The following ACADSB variants were observed in gnomAD, a reference collection of about 807,000 sequenced individuals.
The protein encoded by ACADSB is acyl-CoA dehydrogenase short/branched chain.
Under a neutral mutation model 54.1 loss-of-function variants are expected in ACADSB, and 40 were observed. That is an observed-to-expected ratio of 0.74 (90% CI 0.57 to 0.96). The LOEUF (loss-of-function observed/expected upper bound fraction) is 0.96. ACADSB is among the 40% of genes least tolerant of loss of function. ACADSB has a pLI of 0.00. For synonymous variants in ACADSB, 182 were observed against 182.8 expected (o/e 1.00, Z 0.03); for missense variants, 530 against 510.4 (o/e 1.04, Z -0.37).
rs1232735896 is a variant in ACADSB, at chr10:123,053,071, A to G, written c.1139A>G (p.Gln380Arg). ...AKYYASEIAG[Q>R]TTSKCIEWMG... ...ACTTGCTTTTGGTAGATTGCAGGACAAACAACGAGTAAATGTATCGAGTGG... is the reference window on the plus strand; with the variant it reads ...ACTTGCTTTTGGTAGATTGCAGGACGAACAACGAGTAAATGTATCGAGTGG... The change falls in exon 10 of 11, where the codon CAA becomes CGA. Residue 380 changes from glutamine (Q) to arginine (R), a missense_variant. Coordinates refer to ENST00000358776, the MANE Select transcript of ACADSB (RefSeq NM_001609.4). 2 of 1,613,942 alleles carry G rather than the reference A, an allele frequency of 1.2e-6. No individual in the cohort carries two copies. Among genetic ancestry groups the G allele is most frequent in the Non-Finnish European group, 1.7e-6 (2 of 1,179,928 alleles).
intron 1 of ACADSB, among the ~76,000 whole-genome samples, chr10:123,030,053 C>T (rs1051296010): frequency 6.6e-6 from 1 of 152,148 alleles, no homozygotes; most frequent in Admixed American, 6.5e-5. Context: ...AGGAGGAGCT[C>T]TCATAACCTA....
At chr10:123,029,721 A>C (rs182053183) in intron 1 of ACADSB, among the ~76,000 whole-genome samples, 1 of 152,322 alleles carries the variant, frequency 6.6e-6, no homozygotes, top group Admixed American at 6.5e-5. Context: ...TTGGATTTTT[A>C]GTGTTTTGCC....
At chr10:123,025,618 G>A (rs1261959187) in intron 1 of ACADSB, among the ~76,000 whole-genome samples, 1 of 151,990 alleles carries the variant, frequency 6.6e-6, no homozygotes, top group Non-Finnish European at 1.5e-5. Context: ...TTTGTATAAA[G>A]CTCCTGGAAA....
At chr10:123,017,075 A>T (rs190481464) in intron 1 of ACADSB, among the ~76,000 whole-genome samples, 1 of 152,284 alleles carries the variant, frequency 6.6e-6, no homozygotes, top group East Asian at 1.9e-4. Context: ...GTTTCTTCTG[A>T]CTATCTTCCC....
At chr10:123,036,836 AAG>A (rs2133476764) in intron 2 of ACADSB, among the ~76,000 whole-genome samples, 1 of 152,258 alleles carries the variant, frequency 6.6e-6, no homozygotes, top group South Asian at 2.1e-4. Flanking sequence ...TGGACAAGGG[AAG>A]GGAAGAGATT....
chr10:123,032,168 A>G (rs1850335876), intron 1 of ACADSB, among the ~76,000 whole-genome samples: 1 of 151,966 alleles, frequency 6.6e-6, no homozygotes, highest in Admixed American at 6.6e-5. Flanking sequence ...TTTAGCAGAG[A>G]TGGGGTTTCA....
rs1321141164 is a variant in ACADSB, at chr10:123,054,574, G to T, written c.*809G>T. Reference sequence around the variant, plus strand: ...TATTTAGAAAAATCTAAAAATTCTGGTTTTAAATATGAGAATCAGTGGAAA... The same window carrying T: ...TATTTAGAAAAATCTAAAAATTCTGTTTTTAAATATGAGAATCAGTGGAAA... On this transcript the variant is annotated 3_prime_UTR_variant, in exon 11 of 11. Coordinates refer to ENST00000358776, the MANE Select transcript of ACADSB (RefSeq NM_001609.4). 6.6e-6 allele frequency: 1 copy of T among 152,062 alleles called. No individual in the cohort carries two copies. The highest frequency in any genetic ancestry group is 6.6e-5 in the Admixed American group (1 of 15,248). The allele number at this position is 152,062 out of a possible 1,614,324, so 9.4% of individuals were successfully genotyped here.
Position 123,053,717 on chromosome 10 carries a change from C to T in ACADSB, c.1251C>T (p.Ser417=). Residue 417 remains serine, a synonymous_variant, in exon 11 of 11, where the codon TCC becomes TCT. Coordinates refer to ENST00000358776, the MANE Select transcript of ACADSB (RefSeq NM_001609.4). ...AKIGTIYEGA[S]NIQLNTIAKH... is the part of the protein sequence containing the mutation. ...AAGGTACGATATATGAAGGAGCTTC[C>T]AACATCCAGTTGAACACCATTGCAA... The T allele has an allele frequency of 6.2e-7, 1 of 1,614,064 alleles. No homozygotes were observed. The highest frequency in any genetic ancestry group is 8.5e-7 in the Non-Finnish European group (1 of 1,179,942).
chr10:123,036,200 G>A (rs1850395845), intron 2 of ACADSB, among the ~76,000 whole-genome samples: 1 of 151,994 alleles, frequency 6.6e-6, no homozygotes, highest in African/African-American at 2.4e-5. Flanking sequence ...CAATTCTCCT[G>A]CCTCAGCCTC....
intron 1 of ACADSB, among the ~76,000 whole-genome samples, chr10:123,020,247 G>A (rs1850166441): frequency 6.6e-6 from 1 of 152,182 alleles, no homozygotes; most frequent in Non-Finnish European, 1.5e-5. Context: ...AAGAAATTGT[G>A]TAATGATATT....
Position 123,034,443 on chromosome 10 carries a change from A to T in ACADSB, c.130A>T (p.Ile44Leu). 1 of 1,613,300 alleles carries T rather than the reference A, an allele frequency of 6.2e-7. No homozygotes were observed. Among genetic ancestry groups the T allele is most frequent in the Non-Finnish European group, 8.5e-7 (1 of 1,179,792 alleles). ...TTCCCAGTCAGAAGCTCTACTCAAT[A>T]TAACAAATAATGGAATACACTTTGC... is the stretch of plus-strand genomic sequence containing the variant. Reference protein sequence around the residue: ...KSSQSEALLNITNNGIHFAPL... With the variant: ...KSSQSEALLNLTNNGIHFAPL... The change falls in exon 2 of 11, where the codon ATA (isoleucine) becomes TTA (leucine). Residue 44 changes from isoleucine (I) to leucine (L), a missense_variant. Coordinates refer to ENST00000358776, the MANE Select transcript of ACADSB (RefSeq NM_001609.4).
chr10:123,052,260 A>T lies in ACADSB; in HGVS notation c.1129-801A>T, dbSNP rs1394368153. On this transcript the variant is annotated intron_variant, in intron 9 of 10. Transcript: ENST00000358776. This position sits in a 1 kb window ranked among gnomAD's most constrained non-coding sequence, Gnocchi z 4.2. ...AGAAATCTGAAATGGGTCTCACTGG[A>T]ATACAGGGGCTGCCTTTCTGTGGTT... is the stretch of plus-strand genomic sequence containing the variant. Among the ~76,000 whole-genome samples, 2 of 152,188 alleles carry T rather than the reference A, an allele frequency of 1.3e-5. No homozygotes were observed. Among genetic ancestry groups the T allele is most frequent in the East Asian group, 3.8e-4 (2 of 5,196 alleles).
At chr10:123,040,713 T>C (rs764805192) in intron 4 of ACADSB, 41 bp downstream of exon 4, 2 of 1,563,876 alleles carry the variant, frequency 1.3e-6, no homozygotes, top group Admixed American at 1.7e-5. Flanking sequence ...ATCTAATCTT[T>C]AGTAAGTTTA....
chr10:123,037,942 T>G (rs759118781), intron 3 of ACADSB, 95 bp downstream of exon 3: 2 of 949,448 alleles, frequency 2.1e-6, no homozygotes, highest in African/African-American at 1.6e-5. Context: ...CAGTCAAAAT[T>G]ATCTGTTTTC....
intron 2 of ACADSB, among the ~76,000 whole-genome samples, chr10:123,036,566 AGCAC>A (rs1391196882): frequency 1.3e-5 from 2 of 152,344 alleles, no homozygotes; most frequent in Non-Finnish European, 2.9e-5. Context: ...ACCTAGTCTA[AGCAC>A]AGAAGCAATA....
chr10:123,037,795 A>G lies in ACADSB; in HGVS notation c.251A>G (p.Asp84Gly). ...ATTGCACCTTTGGTTTCAACCATGG[A>G]TGAAAATTCGAAAATGGAGAAATCA... ...EQIAPLVSTM[D>G]ENSKMEKSVI... The change falls in exon 3 of 11, where the codon GAT (aspartate) becomes GGT (glycine). Residue 84 changes from aspartate to glycine, a missense_variant. Transcript: ENST00000358776. The G allele has an allele frequency of 6.2e-7, 1 of 1,612,640 alleles. No homozygotes were observed. Among genetic ancestry groups the G allele is most frequent in the East Asian group, 2.2e-5 (1 of 44,740 alleles).
intron 1 of ACADSB, among the ~76,000 whole-genome samples, chr10:123,027,207 G>T (rs1850266289): frequency 6.6e-6 from 1 of 152,122 alleles, no homozygotes; most frequent in African/African-American, 2.4e-5. Context: ...ATGACCTGGG[G>T]TGCTTTTTAG....
rs760780506 is a variant in ACADSB at position 123,047,299 on chromosome 10, G to T, written c.990+1G>T. ...TGGCAAAAGACTATTTGATTTTCAG[G>T]TATGTAATTATTAGGGTCTTTCTGC... On this transcript the variant is annotated splice_donor_variant, in intron 8 of 10. Coordinates refer to ENST00000358776, the MANE Select transcript of ACADSB (RefSeq NM_001609.4). LOFTEE classifies it high-confidence loss of function. 1.3e-6 allele frequency: 2 copies of T among 1,558,286 alleles called. No homozygotes were observed. Among genetic ancestry groups the T allele is most frequent in the Middle Eastern group, 1.7e-4 (1 of 5,974 alleles).
intron 7 of ACADSB, among the ~76,000 whole-genome samples, chr10:123,045,779 T>C (rs1850553753): frequency 1.3e-5 from 2 of 152,194 alleles, no homozygotes; most frequent in African/African-American, 4.8e-5. Flanking sequence ...TTTTCAGACA[T>C]ATAAATAATA....
Sources: gnomAD v4.1 joint callset for allele counts (sites outside exome capture counted in the v4.1 genomes callset) on GRCh38, gnomAD v4.1.1 for gene constraint, Gnocchi (gnomAD v3.1) non-coding constraint, MANE v1.5 for transcripts, NCBI Gene and HGNC (gene_info 2026-07-23, HGNC 2026-07-21) for gene names.